The following PTPRD variants were observed in gnomAD, a reference collection of about 807,000 sequenced individuals.
PTPRD encodes protein tyrosine phosphatase receptor type D.
In PTPRD, 34 loss-of-function variants were observed where a neutral mutation model predicts 214.5. The observed-to-expected ratio is 0.16, with a 90% confidence interval of 0.12 to 0.21. The LOEUF (loss-of-function observed/expected upper bound fraction) is 0.21. PTPRD is among the 10% of genes least tolerant of loss of function. PTPRD has a pLI of 1.00. For synonymous variants in PTPRD, 1,128 were observed against 845.7 expected, an observed-to-expected ratio of 1.33 and a Z score of -5.79; for missense variants, 2,545 against 2,398.7, an observed-to-expected ratio of 1.06 and a Z score of -1.27.
At chr9:10,335,771 A>G (rs1198950394) in intron 3 of PTPRD, among the ~76,000 whole-genome samples, 3 of 151,810 alleles carry the variant, frequency 2.0e-5, no homozygotes, top group Non-Finnish European at 2.9e-5. Context: ...ACTTCATTAA[A>G]AAATGGGCCA....
chr9:8,511,952 A>T lies in PTPRD; in HGVS notation c.1544-4518T>A, dbSNP rs373445453. Among the ~76,000 whole-genome samples the T allele has an allele frequency of 7.2e-5, 11 of 152,254 alleles. No homozygotes were observed. In the East Asian group the frequency reaches 1.4e-3, roughly 19 times the overall value. On this transcript the variant is annotated intron_variant, in intron 21 of 45. Transcript: ENST00000381196. ...AAAGACTAACAAGAGAAACCTTCAC[A>T]TTATCAGATGCTGATATATTAGAAG...
At chr9:10,039,550 C>G (rs2097257483) in intron 3 of PTPRD, among the ~76,000 whole-genome samples, 1 of 151,878 alleles carries the variant, frequency 6.6e-6, no homozygotes, top group African/African-American at 2.4e-5. Flanking sequence ...TAATTTCCAC[C>G]TGAAAAACAT....
At chr9:10,314,947 A>G (rs1555132771) in intron 3 of PTPRD, among the ~76,000 whole-genome samples, 1 of 151,908 alleles carries the variant, frequency 6.6e-6, no homozygotes, top group Non-Finnish European at 1.5e-5. Flanking sequence ...GCTGTGGGAC[A>G]AGATAATATA....
chr9:9,413,497 G>A (rs1442877049), intron 8 of PTPRD, among the ~76,000 whole-genome samples: 1 of 152,108 alleles, frequency 6.6e-6, no homozygotes, highest in African/African-American at 2.4e-5. Flanking sequence ...ACAATTAAAT[G>A]GAACCTTATA....
intron 5 of PTPRD, among the ~76,000 whole-genome samples, chr9:9,830,931 C>G (rs1241218717): frequency 6.6e-6 from 1 of 151,844 alleles, no homozygotes; most frequent in East Asian, 1.9e-4. Context: ...TTGTAGGTAT[C>G]AGACCCTCAA....
intron 8 of PTPRD, among the ~76,000 whole-genome samples, chr9:9,545,694 C>T (rs963416393): frequency 6.6e-6 from 1 of 151,782 alleles, no homozygotes; most frequent in African/African-American, 2.4e-5. Flanking sequence ...ATCAGTATCA[C>T]ACTGTCTTGA....
intron 33 of PTPRD, 64 bp downstream of exon 33, chr9:8,460,347 A>G (rs2096362873): frequency 6.3e-7 from 1 of 1,581,862 alleles, no homozygotes; most frequent in Non-Finnish European, 8.7e-7. Flanking sequence ...CAGCAGAACA[A>G]TGATCAAGTC....
chr9:8,937,347 T>C (rs975290383), intron 11 of PTPRD, among the ~76,000 whole-genome samples: 5 of 152,178 alleles, frequency 3.3e-5, no homozygotes, highest in African/African-American at 1.2e-4. Context: ...ATTCCCTTTC[T>C]TATAAAGCCA....
At chr9:10,586,764 T>C (rs912462659) in intron 2 of PTPRD, among the ~76,000 whole-genome samples, 3 of 147,134 alleles carry the variant, frequency 2.0e-5, no homozygotes, top group Non-Finnish European at 3.0e-5. Flanking sequence ...TGTTTGCACA[T>C]ACATGCTCAC....
At chr9:9,529,257 T>C (rs2074927742) in intron 8 of PTPRD, among the ~76,000 whole-genome samples, 1 of 143,004 alleles carries the variant, frequency 7.0e-6, no homozygotes, top group Non-Finnish European at 1.5e-5. Flanking sequence ...TAGATTGAAA[T>C]CTAAAAACTC....
At chr9:10,502,261 G>C (rs1275613031) in intron 2 of PTPRD, among the ~76,000 whole-genome samples, 1 of 151,526 alleles carries the variant, frequency 6.6e-6, no homozygotes. Context: ...AAGGAATTAA[G>C]ACTACATTAG....
At chr9:9,425,444 A>G (rs1291368754) in intron 8 of PTPRD, among the ~76,000 whole-genome samples, 1 of 146,698 alleles carries the variant, frequency 6.8e-6, no homozygotes, top group Non-Finnish European at 1.5e-5. Flanking sequence ...TACATTATAT[A>G]ATTTATAATA....
At chr9:9,522,869 G>A (rs1228737192) in intron 8 of PTPRD, among the ~76,000 whole-genome samples, 1 of 152,080 alleles carries the variant, frequency 6.6e-6, no homozygotes, top group Non-Finnish European at 1.5e-5. Context: ...ACCTCCCTCT[G>A]GCTAAGTAGC....
intron 26 of PTPRD, 73 bp from the exon 27 acceptor site, chr9:8,493,052 T>C (rs186537501): frequency 8.9e-4 from 1,150 of 1,292,552 alleles, no homozygotes; most frequent in Non-Finnish European, 1.2e-3. Context: ...CAAGGCCGTC[T>C]GCCTTCATTC....
intron 8 of PTPRD, among the ~76,000 whole-genome samples, chr9:9,432,515 C>A (rs1421594059): frequency 2.0e-5 from 3 of 152,126 alleles, no homozygotes; most frequent in Non-Finnish European, 2.9e-5. Flanking sequence ...CAAGAAATAG[C>A]CTAATTTTGT....
At chr9:8,986,909 G>T (rs936519787) in intron 11 of PTPRD, among the ~76,000 whole-genome samples, 1 of 151,914 alleles carries the variant, frequency 6.6e-6, no homozygotes, top group East Asian at 1.9e-4. Context: ...TTTAACAATT[G>T]TCTGTCTCTG....
intron 8 of PTPRD, among the ~76,000 whole-genome samples, chr9:9,569,182 C>CTG (rs557541457): frequency 0.021 from 3,165 of 151,386 alleles, 47 homozygotes; most frequent in Admixed American, 0.027. Flanking sequence ...GCACATGTAT[C>CTG]AACACAGATG....
intron 8 of PTPRD, among the ~76,000 whole-genome samples, chr9:9,456,205 G>C (rs2092975207): frequency 6.6e-6 from 1 of 151,804 alleles, no homozygotes; most frequent in African/African-American, 2.4e-5. Flanking sequence ...ACATAACTCA[G>C]TTTTAATCAT....
chr9:9,137,969 T>G (rs1408057317), intron 10 of PTPRD, among the ~76,000 whole-genome samples: 2 of 152,182 alleles, frequency 1.3e-5, no homozygotes, highest in Non-Finnish European at 2.9e-5. Context: ...TACCTCATTT[T>G]GTAGCAGAGA....
Sources: gnomAD v4.1 joint callset for allele counts (sites outside exome capture counted in the v4.1 genomes callset) on GRCh38, gnomAD v4.1.1 for gene constraint, MANE v1.5 for transcripts, NCBI Gene and HGNC (gene_info 2026-07-23, HGNC 2026-07-21) for gene names.